Variants in TTC19 observed in about 807,000 individuals in gnomAD.
TTC19 encodes tetratricopeptide repeat domain 19, also known as tetratricopeptide repeat protein 19, mitochondrial.
In TTC19, 38 loss-of-function variants were observed where a neutral mutation model predicts 49.5. The observed-to-expected ratio is 0.77, with a 90% CI of 0.59 to 1.01. The LOEUF (loss-of-function observed/expected upper bound fraction) is 1.01. Among genes scored for constraint, TTC19 ranks in the 50% least tolerant of loss-of-function variants. The pLI, the probability that TTC19 is intolerant of heterozygous loss-of-function variation, is 0.00. For missense variants in TTC19, 475 were observed against 477.7 expected (o/e 0.99, Z 0.05); for synonymous variants, 204 against 185.2 (o/e 1.10, Z -0.83).
chr17:16,030,384 T>C, downstream of TTC19: 1 of 214,954 alleles, frequency 4.7e-6, no homozygotes. Context: ...GTATTCTGAC[T>C]CAGAATAGCT....
Position 16,025,070 on chromosome 17 carries a change from G to GCTCGCTACCTTCTGTT in TTC19, c.734_749dup (p.Lys251LeufsTer16). On this transcript the variant is annotated frameshift_variant, in exon 8 of 10. Coordinates refer to ENST00000261647, the MANE Select transcript of TTC19 (RefSeq NM_017775.4). LOFTEE classifies it high-confidence loss of function. ...CTTGGGCATGTGCTTAGACGCCTGT[G>GCTCGCTACCTTCTGTT]CTCGCTACCTTCTGTTCTCCAAGCA... The GCTCGCTACCTTCTGTT allele has an allele frequency of 6.2e-7, 1 of 1,613,944 alleles. No individual in the cohort carries two copies. The highest frequency in any genetic ancestry group is 8.5e-7 in the Non-Finnish European group (1 of 1,179,858).
At chr17:16,006,992 G>T (rs1970930176) in intron 7 of TTC19, among the ~76,000 whole-genome samples, 1 of 152,202 alleles carries the variant, frequency 6.6e-6, no homozygotes, top group Non-Finnish European at 1.5e-5. Flanking sequence ...ACTCATTCTG[G>T]AGGCTAGGAA....
chr17:16,025,066 C>G lies in TTC19; in HGVS notation c.726C>G (p.Ala242=). 4.3e-6 allele frequency: 7 copies of G among 1,613,968 alleles called. No individual in the cohort carries two copies. The highest frequency in any genetic ancestry group is 5.1e-6 in the Non-Finnish European group (6 of 1,179,860). The change falls in exon 8 of 10, where the codon GCC becomes GCG. Residue 242 remains alanine (A), a synonymous_variant. Coordinates refer to ENST00000261647, the MANE Select transcript of TTC19 (RefSeq NM_017775.4). ...THLLLGMCLD[A]CARYLLFSKQ... ...TCCTCTTGGGCATGTGCTTAGACGC[C>G]TGTGCTCGCTACCTTCTGTTCTCCA... is the stretch of plus-strand genomic sequence containing the variant.
At chr17:16,030,490 C>T (rs1971820297), downstream of TTC19, 2 of 200,694 alleles carry the variant, frequency 1.0e-5, no homozygotes, top group Non-Finnish European at 2.0e-5. Flanking sequence ...ATTACCAGTA[C>T]CTGAAAAAAA....
chr17:16,039,720 G>T, intron 2 of TTC19: 1 of 1,366,720 alleles, frequency 7.3e-7, no homozygotes, highest in Non-Finnish European at 1.0e-6. Context: ...AACATGCATT[G>T]CCCCATCAGC....
intron 2 of TTC19, chr17:16,041,270 G>C (rs1404407346): frequency 6.6e-6 from 1 of 152,212 alleles, no homozygotes; most frequent in Non-Finnish European, 1.5e-5. Flanking sequence ...CAGTGTGCCA[G>C]AAAGGGGAAG....
At chr17:16,041,657 T>C (rs1483739411) in intron 2 of TTC19, among the ~76,000 whole-genome samples, 20 of 152,172 alleles carry the variant, frequency 1.3e-4, no homozygotes, top group Admixed American at 9.8e-4. Flanking sequence ...TCAGGTGATC[T>C]ACCCACCTCA....
intron 7 of TTC19, among the ~76,000 whole-genome samples, chr17:16,015,528 A>G (rs1471834025): frequency 2.0e-5 from 3 of 152,118 alleles, no homozygotes; most frequent in Non-Finnish European, 4.4e-5. Context: ...GATGTTTCCC[A>G]TTGATTCCTT....
downstream of TTC19, among the ~76,000 whole-genome samples, chr17:16,032,842 T>C (rs976888280): frequency 6.6e-6 from 1 of 152,114 alleles, no homozygotes; most frequent in Non-Finnish European, 1.5e-5. Context: ...TCAAGAGAAA[T>C]GCAAGAGTAT....
intron 2 of TTC19, among the ~76,000 whole-genome samples, chr17:16,043,594 G>A (rs966679016): frequency 6.6e-6 from 1 of 152,164 alleles, no homozygotes; most frequent in Non-Finnish European, 1.5e-5. Context: ...CTATAAAGTA[G>A]GCTTCTTCAG....
At chr17:16,038,831 T>TC (rs1567641185) in intron 2 of TTC19, among the ~76,000 whole-genome samples, 30 of 152,098 alleles carry the variant, frequency 2.0e-4, no homozygotes, top group African/African-American at 7.0e-4. Flanking sequence ...AGTGCAGTGG[T>TC]GTGATCTCAG....
At chr17:16,002,143 T>C in intron 3 of TTC19, 118 bp downstream of exon 3, 1 of 772,000 alleles carries the variant, frequency 1.3e-6, no homozygotes, top group South Asian at 1.5e-5. Flanking sequence ...CCTTTTCTTT[T>C]TACTGAGTTT....
rs886076003 is a variant in TTC19 at position 16,035,066 on chromosome 17, C to G, written c.247+8364C>G. Reference sequence around the variant, plus strand: ...AATGGTAACATGAAGAATCCAGATCCTGGTACTCAATGAAATAAAATACTA... The same window carrying G: ...AATGGTAACATGAAGAATCCAGATCGTGGTACTCAATGAAATAAAATACTA... On this transcript the variant is annotated intron_variant, in intron 2 of 2. Coordinates refer to the TTC19 transcript ENST00000470649. The G allele has an allele frequency of 3.4e-6, 3 of 888,940 alleles. No homozygotes were observed. The East Asian group carries it at 7.9e-5, about 23-fold the overall frequency. The allele number at this position is 888,940 out of a possible 1,614,324, so 55.1% of individuals were successfully genotyped here.
intron 2 of TTC19, among the ~76,000 whole-genome samples, chr17:16,001,282 C>T (rs1347171911): frequency 6.6e-6 from 1 of 152,204 alleles, no homozygotes; most frequent in Non-Finnish European, 1.5e-5. Context: ...CCAGCATATA[C>T]CTTGCCCACC....
chr17:16,004,876 A>AT (rs1378285151), intron 6 of TTC19, among the ~76,000 whole-genome samples: 2 of 152,204 alleles, frequency 1.3e-5, no homozygotes, highest in East Asian at 3.9e-4. Flanking sequence ...CTTTGTTCTC[A>AT]TCAGGACCTG....
At position 16,034,715 on chromosome 17, in the gene TTC19, AT is replaced by A. The variant is rs753092023; in HGVS notation, c.247+8015del. On this transcript the variant is annotated intron_variant, in intron 2 of 2. Coordinates refer to the TTC19 transcript ENST00000470649. ...ATTTTGAAGAACTAATAACCAAGAC[AT>A]TGATATTATTGCTCTGTCTCATTTT... The A allele has an allele frequency of 4.7e-6, 7 of 1,473,948 alleles. No homozygotes were observed. The African/African-American group carries it at 9.9e-5, about 21-fold the overall frequency. 91.3% of individuals were successfully genotyped at this position (1,473,948 alleles called of 1,614,324 possible). A position where few individuals can be genotyped will look rare whatever the true frequency, so the allele number is the denominator to read the frequency against.
At chr17:16,012,730 G>T (rs1971112011) in intron 7 of TTC19, among the ~76,000 whole-genome samples, 1 of 151,958 alleles carries the variant, frequency 6.6e-6, no homozygotes, top group East Asian at 2.0e-4. Context: ...TAGAGACGGG[G>T]TTTCTCCATG....
At position 16,000,010 on chromosome 17, in the gene TTC19, A is replaced by C. The variant is rs1474092285; in HGVS notation, c.162A>C (p.Pro54=). Residue 54 remains proline, a synonymous_variant, in exon 1 of 10, where the codon CCA becomes CCC. Transcript: ENST00000261647. ...PSRVAPHGRG[P]GLLPLLAALA... Reference sequence around the variant, plus strand: ...GAGTCGCGCCGCACGGCCGGGGCCCAGGCCTGCTGCCGCTGCTGGCAGGTG... The same window carrying C: ...GAGTCGCGCCGCACGGCCGGGGCCCCGGCCTGCTGCCGCTGCTGGCAGGTG... 5.6e-6 allele frequency: 7 copies of C among 1,246,994 alleles called. 1 individual carries two copies. Among genetic ancestry groups the C allele is most frequent in the Non-Finnish European group, 5.0e-6 (5 of 998,642 alleles). 77.2% of individuals were successfully genotyped at this position (1,246,994 alleles called of 1,614,324 possible). A position where few individuals can be genotyped will look rare whatever the true frequency, so the allele number is the denominator to read the frequency against.
At chr17:16,039,428 T>C (rs1354986407) in intron 2 of TTC19, 1 of 1,612,216 alleles carries the variant, frequency 6.2e-7, no homozygotes, top group Non-Finnish European at 8.5e-7. Flanking sequence ...AAATGAAAGC[T>C]GTACCTGAAT....
Sources: allele counts gnomAD v4.1 joint callset (sites outside exome capture counted in the v4.1 genomes callset), GRCh38; gene constraint gnomAD v4.1.1; transcripts MANE v1.5; gene names NCBI Gene and HGNC (gene_info 2026-07-23, HGNC 2026-07-21).